The following OPTN variants were observed in gnomAD, a reference collection of about 807,000 sequenced individuals.
OPTN encodes the protein E3-14.7K-interacting protein.
A neutral mutation model predicts 70.4 loss-of-function variants in OPTN; 54 were observed. That is an observed-to-expected ratio of 0.77 (90% CI 0.62 to 0.96). The LOEUF is 0.96. Among genes scored for constraint, OPTN ranks in the 40% least tolerant of loss-of-function variants. The pLI is 0.00. For synonymous variants in OPTN, 256 were observed against 248.5 expected, an observed-to-expected ratio of 1.03 and a Z score of -0.28; for missense variants, 624 against 673.2, an observed-to-expected ratio of 0.93 and a Z score of 0.81.
intron 5 of OPTN, among the ~76,000 whole-genome samples, chr10:13,115,462 T>G (rs1050609810): frequency 9.4e-6 from 1 of 106,600 alleles, no homozygotes; most frequent in African/African-American, 4.2e-5. Context: ...CTATATTATA[T>G]AATATAGAAT....
intron 5 of OPTN, among the ~76,000 whole-genome samples, chr10:13,114,624 C>T (rs2131492604): frequency 6.7e-6 from 1 of 148,228 alleles, no homozygotes; most frequent in South Asian, 2.1e-4. Flanking sequence ...ATCTAGAACC[C>T]CCATGGCCCC....
At position 13,124,079 on chromosome 10, in the gene OPTN, G is replaced by C. The variant is rs1283586888; in HGVS notation, c.967G>C (p.Ala323Pro). 1.2e-6 allele frequency: 2 copies of C among 1,612,850 alleles called. No homozygotes were observed. The highest frequency in any genetic ancestry group is 1.7e-6 in the Non-Finnish European group (2 of 1,179,120). ...LQEAHTKLSEAELMKKRLQEK... is the reference protein window; with the variant it reads ...LQEAHTKLSEPELMKKRLQEK... Reference sequence around the variant, plus strand: ...AGAGGCTCATACAAAACTCAGCGAAGCTGAGCTAATGAAGAAGAGACTTCA... The same window carrying C: ...AGAGGCTCATACAAAACTCAGCGAACCTGAGCTAATGAAGAAGAGACTTCA... Residue 323 changes from alanine to proline, a missense_variant, in exon 9 of 15, where the codon GCT (alanine) becomes CCT (proline). Physicochemically the swap from Ala to Pro is conservative, Grantham distance 27. Coordinates refer to ENST00000378747, the MANE Select transcript of OPTN (RefSeq NM_001008212.2).
chr10:13,107,387 C>CT lies in OPTN; in HGVS notation c.-163-732dup, dbSNP rs869161209. On this transcript the variant is annotated intron_variant, in intron 1 of 14. Coordinates refer to ENST00000378747, the MANE Select transcript of OPTN (RefSeq NM_001008212.2). ...GAGACTCTCAAAAAACCAAAACAGT[C>CT]TTTTTTTTTTTTTTTTTTTGAGACT... Among the ~76,000 whole-genome samples the CT allele has an allele frequency of 8.0e-3, 935 of 117,164 alleles. 18 individuals carry two copies. The highest frequency in any genetic ancestry group is 0.023 in the African/African-American group (656 of 28,974). The allele number at this position is 117,164 out of a possible 152,430, so 76.9% of individuals were successfully genotyped here.
chr10:13,132,401 G>T (rs1389179894), intron 13 of OPTN, among the ~76,000 whole-genome samples: 1 of 152,146 alleles, frequency 6.6e-6, no homozygotes, highest in Non-Finnish European at 1.5e-5. Context: ...ATGTGATCAT[G>T]TTCCCAACAC....
At chr10:13,100,704 A>G (rs1832723514) in intron 1 of OPTN, among the ~76,000 whole-genome samples, 1 of 152,200 alleles carries the variant, frequency 6.6e-6, no homozygotes, top group South Asian at 2.1e-4. Flanking sequence ...TGGGACCACT[A>G]CCCGAGCTGA....
At chr10:13,103,739 C>T (rs1236553268) in intron 1 of OPTN, among the ~76,000 whole-genome samples, 1 of 44,772 alleles carries the variant, frequency 2.2e-5, no homozygotes, top group Non-Finnish European at 7.0e-5. Context: ...TATACACACA[C>T]ATGCACACAC....
intron 5 of OPTN, among the ~76,000 whole-genome samples, chr10:13,115,136 A>AT (rs1231519890): frequency 8.9e-5 from 8 of 90,158 alleles, no homozygotes; most frequent in South Asian, 3.8e-4. Context: ...TAAATTTATA[A>AT]TATAGATATA....
rs1302013001 is a variant in OPTN at position 13,138,206 on chromosome 10, C to T, written c.*1340C>T. 5.3e-6 allele frequency: 1 copy of T among 187,342 alleles called. No homozygotes were observed. 11.6% of individuals were successfully genotyped at this position (187,342 alleles called of 1,614,324 possible). A position where few individuals can be genotyped will look rare whatever the true frequency, so the allele number is the denominator to read the frequency against. On this transcript the variant is annotated 3_prime_UTR_variant, in exon 15 of 15. Coordinates refer to ENST00000378747, the MANE Select transcript of OPTN (RefSeq NM_001008212.2). ...CTTGTTTTGTAAGTCTACAATTTGC[C>T]AAGAGTAAATAACACTGGACCAGCT...
intron 12 of OPTN, among the ~76,000 whole-genome samples, chr10:13,129,351 T>C (rs949626017): frequency 2.6e-5 from 4 of 151,046 alleles, no homozygotes; most frequent in Non-Finnish European, 5.9e-5. Context: ...TTATAAAGCA[T>C]CAAACTTTTT....
intron 5 of OPTN, among the ~76,000 whole-genome samples, chr10:13,113,305 C>T (rs777080738): frequency 2.0e-5 from 3 of 152,182 alleles, no homozygotes; most frequent in African/African-American, 4.8e-5. Context: ...GGATGACAGG[C>T]GTGAGCCACC....
At chr10:13,109,392 A>G in intron 3 of OPTN, 104 bp downstream of exon 3, 2 of 1,187,416 alleles carry the variant, frequency 1.7e-6, no homozygotes, top group South Asian at 1.3e-5. Flanking sequence ...CCCCGTTTCC[A>G]TAGGTGGTAG....
Position 13,111,934 on chromosome 10 carries a change from G to A in OPTN, c.370-519G>A, listed in dbSNP as rs570638642. Among the ~76,000 whole-genome samples, 15 of 129,672 alleles carry A rather than the reference G, an allele frequency of 1.2e-4. No individual in the cohort carries two copies. The East Asian group carries it at 2.7e-3, about 23-fold the overall frequency. The allele number at this position is 129,672 out of a possible 152,430, so 85.1% of individuals were successfully genotyped here. On this transcript the variant is annotated intron_variant, in intron 4 of 14. Coordinates refer to ENST00000378747, the MANE Select transcript of OPTN (RefSeq NM_001008212.2). ...ATAATCTCGGCTCACTGCAAGCTCCGCCTCCCAGGTTCACGCCATTGTCCT... is the reference window on the plus strand; with the variant it reads ...ATAATCTCGGCTCACTGCAAGCTCCACCTCCCAGGTTCACGCCATTGTCCT...
At chr10:13,123,664 A>G (rs1246860180) in intron 8 of OPTN, among the ~76,000 whole-genome samples, 2 of 152,244 alleles carry the variant, frequency 1.3e-5, no homozygotes, top group Middle Eastern at 3.2e-3. Flanking sequence ...CTGGATAGAT[A>G]GGACTGTGCT....
intron 9 of OPTN, 88 bp downstream of exon 9, chr10:13,124,198 T>G: frequency 2.7e-6 from 2 of 752,316 alleles, no homozygotes; most frequent in Non-Finnish European, 4.5e-6. Context: ...TTTTTAACTA[T>G]GTTATGACTA....
chr10:13,134,902 G>A (rs896533248), intron 14 of OPTN, among the ~76,000 whole-genome samples: 1 of 152,198 alleles, frequency 6.6e-6, no homozygotes, highest in African/African-American at 2.4e-5. Context: ...CCTCCAGGAT[G>A]TGCAAGAGGT....
chr10:13,110,929 T>C lies in OPTN; in HGVS notation c.369+453T>C, dbSNP rs149535700. Among the ~76,000 whole-genome samples, 10 of 152,334 alleles carry C rather than the reference T, an allele frequency of 6.6e-5. No homozygotes were observed. The East Asian group carries it at 1.5e-3, about 23-fold the overall frequency. On this transcript the variant is annotated intron_variant, in intron 4 of 14. Transcript: ENST00000378747. ...TTACATTTTCCTTTTTAAAAATGCT[T>C]TGGAAAATGTCATGTTGTGGTAGGA...
At chr10:13,130,998 C>T (rs1170777638) in intron 12 of OPTN, among the ~76,000 whole-genome samples, 1 of 152,164 alleles carries the variant, frequency 6.6e-6, no homozygotes, top group African/African-American at 2.4e-5. Flanking sequence ...TGGTTCACTG[C>T]AACCTCTATT....
At chr10:13,127,451 T>G (rs1833491066) in intron 11 of OPTN, among the ~76,000 whole-genome samples, 1 of 152,210 alleles carries the variant, frequency 6.6e-6, no homozygotes, top group Non-Finnish European at 1.5e-5. Flanking sequence ...ACCTTTTTTT[T>G]AGGAATTCAT....
upstream of OPTN, chr10:13,100,121 C>G (rs1218649011): frequency 1.3e-5 from 2 of 152,598 alleles, no homozygotes; most frequent in Non-Finnish European, 2.9e-5. Context: ...CTGAGCCGCG[C>G]TGGGCGGGGT....
Sources: allele counts gnomAD v4.1 joint callset (sites outside exome capture counted in the v4.1 genomes callset), GRCh38; gene constraint gnomAD v4.1.1; transcripts MANE v1.5; gene names NCBI Gene and HGNC (gene_info 2026-07-23, HGNC 2026-07-21).